IRF2: variants seen among roughly 807,000 people sequenced by gnomAD.
The protein encoded by IRF2 is interferon regulatory factor 2.
A neutral mutation model predicts 40.6 loss-of-function variants in IRF2; 15 were observed. The observed-to-expected ratio is 0.37, with a 90% CI of 0.25 to 0.57. The LOEUF is 0.57. Ranked by LOEUF, IRF2 falls within the 20% of genes least tolerant of loss-of-function variation. The pLI, the probability that IRF2 is intolerant of heterozygous loss-of-function variation, is 0.77. For synonymous variants in IRF2, 151 were observed against 165.5 expected, an observed-to-expected ratio of 0.91 and a Z score of 0.67; for missense variants, 317 against 455.7, an observed-to-expected ratio of 0.70 and a Z score of 2.77.
chr4:184,447,902 C>T (rs1738572171), intron 1 of IRF2, among the ~76,000 whole-genome samples: 1 of 152,206 alleles, frequency 6.6e-6, no homozygotes, highest in Admixed American at 6.5e-5. Flanking sequence ...AGGGACATGA[C>T]TGAGACATTC....
At chr4:184,393,985 C>T (rs988412216) in intron 7 of IRF2, among the ~76,000 whole-genome samples, 1 of 152,226 alleles carries the variant, frequency 6.6e-6, no homozygotes, top group African/African-American at 2.4e-5. Flanking sequence ...GTGTTACTAT[C>T]GAACTATCAA....
At chr4:184,442,528 T>C (rs13126711) in intron 1 of IRF2, among the ~76,000 whole-genome samples, 2,101 of 152,296 alleles carry the variant, frequency 0.014, 19 homozygotes, top group Middle Eastern at 0.027. Context: ...TGAAGAACTA[T>C]TTCAGAAGCA....
Position 184,388,916 on chromosome 4 carries a change from GATTGCTC to G in IRF2, c.885_891del (p.Glu295AspfsTer21). 6.2e-7 allele frequency: 1 copy of G among 1,614,194 alleles called. No homozygotes were observed. The highest frequency in any genetic ancestry group is 8.5e-7 in the Non-Finnish European group (1 of 1,180,034). ...GGCCAGGAGCTGTTGTAAGGCACCG[GATTGCTC>G]TCCTCTTTGATGGTGACCTGGAGGT... On this transcript the variant is annotated frameshift_variant, in exon 9 of 9. Transcript: ENST00000393593. LOFTEE classifies it high-confidence loss of function. The surrounding 1 kb of genome is among the most constrained non-coding windows in gnomAD (Gnocchi z 4.6).
intron 7 of IRF2, 22 bp downstream of exon 7, chr4:184,398,893 G>A (rs745593135): frequency 6.4e-6 from 10 of 1,566,414 alleles, no homozygotes; most frequent in African/African-American, 2.7e-5. Flanking sequence ...CACGCCTCCC[G>A]GAGCCTCCCG....
intron 1 of IRF2, among the ~76,000 whole-genome samples, chr4:184,443,560 C>T (rs1021438992): frequency 6.6e-6 from 1 of 152,168 alleles, no homozygotes; most frequent in African/African-American, 2.4e-5. Flanking sequence ...GTTTTTATGG[C>T]TGCATAGTAT....
chr4:184,406,232 CTT>C (rs11309106), intron 6 of IRF2, among the ~76,000 whole-genome samples: 81 of 134,346 alleles, frequency 6.0e-4, no homozygotes, highest in Middle Eastern at 3.9e-3. Flanking sequence ...TACTTTTTAT[CTT>C]TTTTTTTTTT....
At chr4:184,422,922 T>C (rs1293664961) in intron 2 of IRF2, among the ~76,000 whole-genome samples, 2 of 152,188 alleles carry the variant, frequency 1.3e-5, no homozygotes, top group African/African-American at 4.8e-5. Context: ...CACTTTAAAA[T>C]GGTAAATATT....
chr4:184,390,304 G>A (rs793774), intron 8 of IRF2, among the ~76,000 whole-genome samples: 176 of 152,352 alleles, frequency 1.2e-3, no homozygotes, highest in African/African-American at 4.0e-3. Context: ...CCACGCACAC[G>A]TGGAAGAGGC....
At chr4:184,428,890 A>T in intron 2 of IRF2, 88 bp downstream of exon 2, 1 of 1,025,770 alleles carries the variant, frequency 9.7e-7, no homozygotes, top group Middle Eastern at 2.0e-4. Flanking sequence ...TAAGATTTTG[A>T]ATACACACGA....
At chr4:184,459,957 A>C (rs1316632834) in intron 1 of IRF2, among the ~76,000 whole-genome samples, 2 of 152,268 alleles carry the variant, frequency 1.3e-5, no homozygotes, top group Non-Finnish European at 2.9e-5. Flanking sequence ...TGGTTCTTCA[A>C]ATGTTAAACA....
At chr4:184,419,952 C>G (rs1028510714) in intron 2 of IRF2, among the ~76,000 whole-genome samples, 2 of 152,230 alleles carry the variant, frequency 1.3e-5, no homozygotes, top group African/African-American at 2.4e-5. Flanking sequence ...ACTACAACCT[C>G]CACCTCCTGG....
intron 7 of IRF2, 134 bp downstream of exon 7, chr4:184,398,781 T>C: frequency 6.2e-6 from 4 of 650,272 alleles, no homozygotes; most frequent in Middle Eastern, 4.8e-4. Flanking sequence ...ATAATTAAAG[T>C]ATGAAAAACT....
intron 2 of IRF2, among the ~76,000 whole-genome samples, chr4:184,421,225 CA>C (rs1737471127): frequency 6.6e-6 from 1 of 152,160 alleles, no homozygotes; most frequent in Non-Finnish European, 1.5e-5. Context: ...AAAGCCAGAA[CA>C]AAGACTATTT....
chr4:184,456,084 C>T (rs1055823436), intron 1 of IRF2, among the ~76,000 whole-genome samples: 9 of 152,320 alleles, frequency 5.9e-5, no homozygotes, highest in African/African-American at 1.9e-4. Flanking sequence ...GGTGCCTGCC[C>T]TGCGGCCGCA....
intron 6 of IRF2, among the ~76,000 whole-genome samples, chr4:184,404,110 A>G (rs1736765203): frequency 6.6e-6 from 1 of 152,206 alleles, no homozygotes; most frequent in Admixed American, 6.5e-5. Context: ...ATTATTAGAA[A>G]CAGAGGGGTC....
At chr4:184,461,690 C>G (rs1458843812) in intron 1 of IRF2, among the ~76,000 whole-genome samples, 4 of 149,432 alleles carry the variant, frequency 2.7e-5, no homozygotes, top group Non-Finnish European at 4.5e-5. Flanking sequence ...ACCCGCCCCC[C>G]CACCGCCCCC....
At chr4:184,439,730 C>A (rs1159555682) in intron 1 of IRF2, among the ~76,000 whole-genome samples, 1 of 152,160 alleles carries the variant, frequency 6.6e-6, no homozygotes, top group Non-Finnish European at 1.5e-5. Flanking sequence ...GGAAGCTATT[C>A]CCATAGCTGC....
At chr4:184,429,916 C>G (rs1737813571) in intron 1 of IRF2, among the ~76,000 whole-genome samples, 8 of 152,174 alleles carry the variant, frequency 5.3e-5, no homozygotes, top group Admixed American at 5.2e-4. Flanking sequence ...TAACAAAGTA[C>G]CTTCCACACT....
chr4:184,413,030 C>T lies in IRF2; in HGVS notation c.412-4755G>A, dbSNP rs111592545. On this transcript the variant is annotated intron_variant, in intron 5 of 8. Transcript: ENST00000393593. The surrounding 1 kb of genome is among the most constrained non-coding windows in gnomAD (Gnocchi z 4.2). ...AACACCCTCTCCACAAAACGACCTG[C>T]ATTCCCAACACTCGCTTCTGAAGGT... Among the ~76,000 whole-genome samples, 925 of 152,300 alleles carry T rather than the reference C, an allele frequency of 6.1e-3. 11 individuals are homozygous for T. The highest frequency in any genetic ancestry group is 0.021 in the African/African-American group (877 of 41,554).
Sources: gnomAD v4.1 joint callset for allele counts (sites outside exome capture counted in the v4.1 genomes callset) on GRCh38, gnomAD v4.1.1 for gene constraint, Gnocchi (gnomAD v3.1) non-coding constraint, MANE v1.5 for transcripts, NCBI Gene and HGNC (gene_info 2026-07-23, HGNC 2026-07-21) for gene names.